Variants in ARHGAP32 observed in about 807,000 individuals in gnomAD.
ARHGAP32 encodes the protein Rho GTPase activating protein 32, also known as rho GTPase-activating protein 32.
A neutral mutation model predicts 186.5 loss-of-function variants in ARHGAP32; 51 were observed. That is an observed-to-expected ratio of 0.27 (90% CI 0.22 to 0.35). The LOEUF (loss-of-function observed/expected upper bound fraction) is 0.35, where lower values mean the gene tolerates loss of function less well. ARHGAP32 is among the 10% of genes least tolerant of loss of function. The pLI is 1.00. For missense variants in ARHGAP32, 2,186 were observed against 2,623.5 expected (o/e 0.83, Z 3.64); for synonymous variants, 950 against 964.3 (o/e 0.99, Z 0.27).
chr11:129,197,480 A>T (rs1189107637), intron 1 of ARHGAP32, among the ~76,000 whole-genome samples: 1 of 152,218 alleles, frequency 6.6e-6, no homozygotes, highest in Admixed American at 6.5e-5. Context: ...GGGTCAATAA[A>T]TGTCTCCTTA....
chr11:129,098,848 C>T (rs1257255638), intron 5 of ARHGAP32, among the ~76,000 whole-genome samples: 2 of 152,108 alleles, frequency 1.3e-5, no homozygotes, highest in Admixed American at 6.6e-5. Context: ...GGAGCTATTA[C>T]AGGAGCAGAG....
chr11:129,095,371 T>C (rs1941702072), intron 5 of ARHGAP32, among the ~76,000 whole-genome samples: 1 of 152,176 alleles, frequency 6.6e-6, no homozygotes, highest in South Asian at 2.1e-4. Context: ...AATTACACTG[T>C]AGTGTAATCA....
At chr11:129,115,927 A>G (rs1272081617) in intron 5 of ARHGAP32, among the ~76,000 whole-genome samples, 1 of 152,100 alleles carries the variant, frequency 6.6e-6, no homozygotes, top group African/African-American at 2.4e-5. Flanking sequence ...ATCCTGTATA[A>G]GCTTCAAGTT....
intron 2 of ARHGAP32, among the ~76,000 whole-genome samples, chr11:129,161,667 G>C (rs926844403): frequency 6.6e-6 from 1 of 152,190 alleles, no homozygotes; most frequent in Non-Finnish European, 1.5e-5. Context: ...AGAGGATGTG[G>C]AGAAACAGGA....
Position 129,123,870 on chromosome 11 carries a change from T to C in ARHGAP32, c.359+18A>G, listed in dbSNP as rs755856497. 436 of 1,301,784 alleles carry C rather than the reference T, an allele frequency of 3.3e-4. No individual in the cohort carries two copies. The highest frequency in any genetic ancestry group is 4.0e-4 in the Non-Finnish European group (396 of 997,314). The allele number at this position is 1,301,784 out of a possible 1,614,324, so 80.6% of individuals were successfully genotyped here. On this transcript the variant is annotated intron_variant, in intron 4 of 22. Transcript: ENST00000682385. The surrounding 1 kb of genome is among the most constrained non-coding windows in gnomAD (Gnocchi z 4.6). ...AACCAGAAGCATTCCCAACACAAAGTAGAAAACCAGATTTTACCTGTGAAT... is the reference window on the plus strand; with the variant it reads ...AACCAGAAGCATTCCCAACACAAAGCAGAAAACCAGATTTTACCTGTGAAT...
chr11:129,202,137 A>G (rs1048170896), intron 1 of ARHGAP32, among the ~76,000 whole-genome samples: 1 of 152,158 alleles, frequency 6.6e-6, no homozygotes. Context: ...TAATACACAC[A>G]TGCAAAGAAG....
chr11:129,115,030 C>A (rs1162729839), intron 5 of ARHGAP32, among the ~76,000 whole-genome samples: 2 of 152,058 alleles, frequency 1.3e-5, no homozygotes, highest in Admixed American at 6.6e-5. Flanking sequence ...GGAAAGAGTT[C>A]TTTTCTTTTA....
At chr11:129,120,538 T>C (rs950260431) in intron 5 of ARHGAP32, among the ~76,000 whole-genome samples, 1 of 152,120 alleles carries the variant, frequency 6.6e-6, no homozygotes, top group African/African-American at 2.4e-5. Flanking sequence ...AGCAACTGTG[T>C]CTTTCAGACT....
chr11:129,254,096 C>G (rs1367364525), intron 1 of ARHGAP32, among the ~76,000 whole-genome samples: 1 of 152,022 alleles, frequency 6.6e-6, no homozygotes, highest in Non-Finnish European at 1.5e-5. Context: ...AGATGCCTAA[C>G]TCACATTCAG....
chr11:129,253,235 G>C lies in ARHGAP32; in HGVS notation c.-5+25911C>G, dbSNP rs1945209245. ...GCTTTGCTTCTTAAACAGGCACTTAGTGATATTTAAGTAGACAAATTATGT... is the reference window on the plus strand; with the variant it reads ...GCTTTGCTTCTTAAACAGGCACTTACTGATATTTAAGTAGACAAATTATGT... On this transcript the variant is annotated intron_variant, in intron 1 of 6. Transcript: ENST00000525234. Among the ~76,000 whole-genome samples the C allele has an allele frequency of 2.0e-5, 3 of 152,236 alleles. No homozygotes were observed. The South Asian group carries it at 6.2e-4, about 32-fold the overall frequency.
chr11:129,104,358 G>A (rs960932793), intron 5 of ARHGAP32, among the ~76,000 whole-genome samples: 1 of 151,972 alleles, frequency 6.6e-6, no homozygotes, highest in African/African-American at 2.4e-5. Context: ...ACACTAACAT[G>A]GAGGAAAGAG....
chr11:129,093,760 G>T, intron 5 of ARHGAP32, 53 bp from the exon 6 acceptor site: 2 of 1,243,900 alleles, frequency 1.6e-6, no homozygotes, highest in South Asian at 1.3e-5. Flanking sequence ...ATTAGTAAAC[G>T]AGAATAAACT....
At chr11:129,087,690 A>T (rs1941449181) in intron 6 of ARHGAP32, among the ~76,000 whole-genome samples, 1 of 152,204 alleles carries the variant, frequency 6.6e-6, no homozygotes, top group South Asian at 2.1e-4. Context: ...TTCTAAACCT[A>T]TAGAATATAC....
intron 19 of ARHGAP32, 63 bp from the exon 20 acceptor site, chr11:128,976,697 T>C: frequency 7.2e-7 from 1 of 1,389,600 alleles, no homozygotes; most frequent in South Asian, 1.2e-5. Flanking sequence ...GTTAATGGGA[T>C]CGGTGTTTTT....
chr11:129,272,775 T>C (rs1277204438), intron 1 of ARHGAP32, among the ~76,000 whole-genome samples: 3 of 152,198 alleles, frequency 2.0e-5, no homozygotes, highest in Non-Finnish European at 4.4e-5. Context: ...AGAAATGAGA[T>C]CCAGGCACAA....
At chr11:129,112,071 C>T (rs1363553903) in intron 5 of ARHGAP32, among the ~76,000 whole-genome samples, 1 of 152,064 alleles carries the variant, frequency 6.6e-6, no homozygotes, top group Non-Finnish European at 1.5e-5. Context: ...GGTGAAACCC[C>T]GTCTCTACTA....
At position 128,966,320 on chromosome 11, in the gene ARHGAP32, G is replaced by A. The variant is rs946531352; in HGVS notation, c.*2587C>T. 5.3e-5 allele frequency: 8 copies of A among 152,328 alleles called. No individual in the cohort carries two copies. Among genetic ancestry groups the A allele is most frequent in the Admixed American group, 2.6e-4 (4 of 15,298 alleles). The allele number at this position is 152,328 out of a possible 1,614,324, so 9.4% of individuals were successfully genotyped here. ...ACCCCATTTGTGAAGTCCCCCATTT[G>A]TGAAGTCACACACAAGGTGGACTGT... On this transcript the variant is annotated 3_prime_UTR_variant, in exon 23 of 23. Coordinates refer to ENST00000682385, the MANE Select transcript of ARHGAP32 (RefSeq NM_001378024.1).
At chr11:129,035,569 TG>T (rs1939297148) in intron 11 of ARHGAP32, among the ~76,000 whole-genome samples, 1 of 152,222 alleles carries the variant, frequency 6.6e-6, no homozygotes, top group South Asian at 2.1e-4. Flanking sequence ...ACATTTTGGC[TG>T]GGTACAGTGG....
In ARHGAP32 at chr11:129,117,451, C is replaced by A. The variant is rs191062762; in HGVS notation, c.444+5995G>T. 1.7e-3 allele frequency among the ~76,000 whole-genome samples: 262 copies of A among 151,874 alleles called. 3 individuals are homozygous for A. Among genetic ancestry groups the A allele is most frequent in the Middle Eastern group, 3.4e-3 (1 of 294 alleles). On this transcript the variant is annotated intron_variant, in intron 5 of 22. Coordinates refer to ENST00000682385, the MANE Select transcript of ARHGAP32 (RefSeq NM_001378024.1). ...TTTTAAAATTGTTTGCATTATTACC[C>A]CTCAATATTCCTACACTCAGGTCAA... is the stretch of plus-strand genomic sequence containing the variant.
Sources: gnomAD v4.1 joint callset for allele counts (sites outside exome capture counted in the v4.1 genomes callset) on GRCh38, gnomAD v4.1.1 for gene constraint, Gnocchi (gnomAD v3.1) non-coding constraint, MANE v1.5 for transcripts, NCBI Gene and HGNC (gene_info 2026-07-23, HGNC 2026-07-21) for gene names.